AXDND1: variants seen among roughly 807,000 people sequenced by gnomAD.
AXDND1 encodes axonemal dynein light chain domain-containing protein 1.
Under a neutral mutation model 137.5 loss-of-function variants are expected in AXDND1, and 110 were observed. The ratio of observed to expected loss-of-function variants is 0.80; its 90% CI spans 0.69 to 0.94. The LOEUF (loss-of-function observed/expected upper bound fraction) is 0.94. AXDND1 is among the 40% of genes least tolerant of loss of function. The probability of loss-of-function intolerance (pLI) is 0.00; values close to 1 mark genes in which losing one functional copy is unlikely to be tolerated. For missense variants in AXDND1, 1,191 were observed against 1,169.8 expected (o/e 1.02, Z -0.26); for synonymous variants, 414 against 399.7 (o/e 1.04, Z -0.43).
chr1:179,534,920 G>T lies in AXDND1; in HGVS notation c.2989G>T (p.Glu997Ter). 1.2e-6 allele frequency: 2 copies of T among 1,608,632 alleles called. No individual in the cohort carries two copies. Among genetic ancestry groups the T allele is most frequent in the Non-Finnish European group, 1.7e-6 (2 of 1,178,828 alleles). The change falls in exon 25 of 26, where the codon GAA (glutamate) becomes TAA (stop). Residue 997 changes from glutamate to a stop codon, truncating the protein, a stop_gained. Coordinates refer to ENST00000367618, the MANE Select transcript of AXDND1 (RefSeq NM_144696.6). LOFTEE classifies it low-confidence loss of function (END_TRUNC). ...KEEEEQQEEE[E>*]VRSAENSSKS... The stretch of plus-strand genomic sequence containing the variant: ...AGAAGAAGAACAACAAGAAGAAGAA[G>T]AAGTCAGGTCAGCAGAAAATTCCTC...
chr1:179,447,551 A>G lies in AXDND1; in HGVS notation c.1798+2347A>G. On this transcript the variant is annotated intron_variant, in intron 16 of 25. Coordinates refer to ENST00000367618, the MANE Select transcript of AXDND1 (RefSeq NM_144696.6). Reference sequence around the variant, plus strand: ...CCAAAGGAAGCTACAGGCTATGTATAAAATACATGTTTTAAAGAATGAAGT... The same window carrying G: ...CCAAAGGAAGCTACAGGCTATGTATGAAATACATGTTTTAAAGAATGAAGT... 3.7e-6 allele frequency: 3 copies of G among 811,984 alleles called. No homozygotes were observed. The South Asian group carries it at 6.5e-5, about 18-fold the overall frequency. The allele number at this position is 811,984 out of a possible 1,614,324, so 50.3% of individuals were successfully genotyped here. A position where few individuals can be genotyped will look rare whatever the true frequency, so the allele number is the denominator to read the frequency against.
chr1:179,486,139 A>AAAAAAAACAGAAAACT (rs149119239), intron 18 of AXDND1, among the ~76,000 whole-genome samples: 78 of 87,802 alleles, frequency 8.9e-4, no homozygotes, highest in Non-Finnish European at 1.3e-3. Context: ...AAAAAAAAAA[A>AAAAAAAACAGAAAACT]AACCTGATAG....
At chr1:179,492,418 C>T (rs1342112986) in intron 19 of AXDND1, among the ~76,000 whole-genome samples, 1 of 143,394 alleles carries the variant, frequency 7.0e-6, no homozygotes, top group African/African-American at 2.6e-5. Flanking sequence ...CCAACCAAAA[C>T]TTCTTTTTAC....
At chr1:179,530,280 C>T (rs915948663) in intron 23 of AXDND1, among the ~76,000 whole-genome samples, 2 of 152,168 alleles carry the variant, frequency 1.3e-5, no homozygotes, top group Non-Finnish European at 1.5e-5. Context: ...CCGCCTGCTT[C>T]GGCCTCCCAA....
chr1:179,472,493 T>C (rs1664079900), intron 17 of AXDND1, among the ~76,000 whole-genome samples: 1 of 152,230 alleles, frequency 6.6e-6, no homozygotes, highest in South Asian at 2.1e-4. Context: ...GAAAGTGTTC[T>C]AGAGATGTCT....
rs532220012 is a variant in AXDND1, at chr1:179,367,369, G to C, written c.97+763G>C. ...TGTCTACTAAAAATACAAAAATTAG[G>C]GGGGGCGTGGTGGCTCGTGCCTGTA... is the stretch of plus-strand genomic sequence containing the variant. On this transcript the variant is annotated intron_variant, in intron 2 of 25. Transcript: ENST00000367618. Among the ~76,000 whole-genome samples, 66 of 152,130 alleles carry C rather than the reference G, an allele frequency of 4.3e-4. 1 individual carries two copies. Among genetic ancestry groups the C allele is most frequent in the Admixed American group, 3.0e-3 (46 of 15,278 alleles).
At chr1:179,543,679 CTCT>C (rs1179914796) in intron 25 of AXDND1, 1 of 152,146 alleles carries the variant, frequency 6.6e-6, no homozygotes, top group Non-Finnish European at 1.5e-5. Flanking sequence ...GATGTTCTTT[CTCT>C]TCTTCACTCC....
At chr1:179,397,847 C>T (rs1415816749) in intron 11 of AXDND1, among the ~76,000 whole-genome samples, 2 of 152,160 alleles carry the variant, frequency 1.3e-5, no homozygotes, top group Non-Finnish European at 2.9e-5. Context: ...AGCCCAGTTA[C>T]AGTCTTTTTT....
chr1:179,519,944 AGG>A (rs1205850992), intron 21 of AXDND1, among the ~76,000 whole-genome samples: 10 of 152,166 alleles, frequency 6.6e-5, no homozygotes, highest in African/African-American at 2.2e-4. Flanking sequence ...GTAGTTTGAT[AGG>A]AATAGCATTG....
chr1:179,393,595 C>T (rs1650538378), intron 9 of AXDND1, among the ~76,000 whole-genome samples: 1 of 152,062 alleles, frequency 6.6e-6, no homozygotes, highest in South Asian at 2.1e-4. Flanking sequence ...TTCTACCCAT[C>T]CATGAACATG....
intron 18 of AXDND1, among the ~76,000 whole-genome samples, chr1:179,488,655 CTTTCTT>C (rs1666434934): frequency 1.9e-5 from 2 of 107,128 alleles, no homozygotes; most frequent in Non-Finnish European, 1.9e-5. Flanking sequence ...TTCTTTCTTT[CTTTCTT>C]TCTTTCTTTC....
intron 23 of AXDND1, among the ~76,000 whole-genome samples, chr1:179,531,894 A>G (rs1671069999): frequency 6.6e-6 from 1 of 152,240 alleles, no homozygotes; most frequent in Non-Finnish European, 1.5e-5. Context: ...ATTGATTACA[A>G]GAGCCGCATG....
chr1:179,492,438 G>GA (rs199959579), intron 19 of AXDND1, among the ~76,000 whole-genome samples: 88 of 98,204 alleles, frequency 9.0e-4, no homozygotes, highest in African/African-American at 2.2e-3. Flanking sequence ...CAAAATGGAA[G>GA]AAAAAAAAAA....
At chr1:179,437,665 C>T (rs920460784) in intron 15 of AXDND1, among the ~76,000 whole-genome samples, 1 of 142,414 alleles carries the variant, frequency 7.0e-6, no homozygotes, top group Non-Finnish European at 1.6e-5. Flanking sequence ...ATTTTACAGA[C>T]TATGAACAGA....
chr1:179,388,973 A>ATTT (rs200417239), intron 9 of AXDND1, among the ~76,000 whole-genome samples: 33 of 76,530 alleles, frequency 4.3e-4, no homozygotes, highest in East Asian at 1.5e-3. Context: ...TCATTTTTAG[A>ATTT]TTCTTTTTTT....
intron 17 of AXDND1, among the ~76,000 whole-genome samples, chr1:179,482,344 A>G (rs1281153559): frequency 6.6e-6 from 1 of 152,036 alleles, no homozygotes; most frequent in East Asian, 1.9e-4. Context: ...TCAGCATGCT[A>G]TGCATAGGGT....
chr1:179,540,197 A>G (rs1206663479), intron 25 of AXDND1, among the ~76,000 whole-genome samples: 1 of 151,944 alleles, frequency 6.6e-6, no homozygotes, highest in Non-Finnish European at 1.5e-5. Flanking sequence ...ACTTCTGTTA[A>G]CTCATCAAAC....
intron 11 of AXDND1, among the ~76,000 whole-genome samples, chr1:179,407,622 T>C (rs777517994): frequency 3.3e-5 from 5 of 152,202 alleles, no homozygotes; most frequent in Non-Finnish European, 5.9e-5. Flanking sequence ...GATTCCCTTA[T>C]GTGTAACTTG....
At chr1:179,519,365 CT>C (rs1669847456) in intron 21 of AXDND1, among the ~76,000 whole-genome samples, 1 of 152,154 alleles carries the variant, frequency 6.6e-6, no homozygotes, top group South Asian at 2.1e-4. Flanking sequence ...GTTTCTTTTA[CT>C]GTCCAGAAGC....
Sources: gnomAD v4.1 joint callset for allele counts (sites outside exome capture counted in the v4.1 genomes callset) on GRCh38, gnomAD v4.1.1 for gene constraint, MANE v1.5 for transcripts, NCBI Gene and HGNC (gene_info 2026-07-23, HGNC 2026-07-21) for gene names.